DENND4C: variants seen among roughly 807,000 people sequenced by gnomAD.
DENND4C encodes DENN domain-containing protein 4C.
Under a neutral mutation model 203.0 loss-of-function variants are expected in DENND4C, and 108 were observed. That is an observed-to-expected ratio of 0.53 (90% CI 0.46 to 0.62). The LOEUF (loss-of-function observed/expected upper bound fraction) is 0.62, where lower values mean the gene tolerates loss of function less well. Among genes scored for constraint, DENND4C ranks in the 20% least tolerant of loss-of-function variants. The pLI is 0.00. For synonymous variants in DENND4C, 871 were observed against 792.4 expected, an observed-to-expected ratio of 1.10 and a Z score of -1.67; for missense variants, 2,481 against 2,301.2, an observed-to-expected ratio of 1.08 and a Z score of -1.60.
At chr9:19,280,910 T>G (rs7874054) in intron 2 of DENND4C, among the ~76,000 whole-genome samples, 45,090 of 151,530 alleles carry the variant, frequency 0.3, 6,881 homozygotes, top group East Asian at 0.44. Context: ...CCGGCTAAGT[T>G]TTTGTAGTTT....
intron 13 of DENND4C, 102 bp from the exon 14 acceptor site, chr9:19,325,837 C>T: frequency 9.2e-7 from 1 of 1,089,352 alleles, no homozygotes; most frequent in Non-Finnish European, 1.4e-6. Flanking sequence ...TCAGCTGGTA[C>T]TGAAAAGGGG....
intron 20 of DENND4C, among the ~76,000 whole-genome samples, chr9:19,339,211 A>G (rs548664053): frequency 2.0e-5 from 3 of 152,168 alleles, no homozygotes; most frequent in East Asian, 3.9e-4. Flanking sequence ...TTTCAGTGGC[A>G]TTTTCTCTTG....
rs1289505349 is a variant in DENND4C, at chr9:19,311,088, G to A, written c.1488-5329G>A. ...TATCAAAAAAATTTATTTGACTTAT[G>A]TATTACATTAAAGTTTGTCTTTTGA... On this transcript the variant is annotated intron_variant, in intron 10 of 32. Transcript: ENST00000434457. Among the ~76,000 whole-genome samples, 3 of 151,966 alleles carry A rather than the reference G, an allele frequency of 2.0e-5. No individual in the cohort carries two copies. The South Asian group carries it at 6.2e-4, about 31-fold the overall frequency.
chr9:19,324,624 T>C (rs905375659), intron 13 of DENND4C, 117 bp downstream of exon 13: 2 of 1,013,148 alleles, frequency 2.0e-6, no homozygotes, highest in Non-Finnish European at 2.9e-6. Flanking sequence ...GTTGTGTATG[T>C]GTGTGTATGT....
In DENND4C at chr9:19,346,485, A is replaced by G. The variant is rs1822913110; in HGVS notation, c.3716A>G (p.Lys1239Arg). ...AGAAGTAGTTTATATGGTATTGCTA[A>G]GGTGGTTCAGAGGGAAGATGTTGAA... The part of the protein sequence containing the change: ...NKRSSLYGIA[K>R]VVQREDVETG... The change falls in exon 23 of 33, where the codon AAG becomes AGG. Residue 1239 changes from lysine to arginine, a missense_variant. This residue lies in a region of DENND4C where 2,289 missense variants were observed against 2,113.3 expected (regional missense o/e 1.08). Transcript: ENST00000434457. The G allele has an allele frequency of 6.2e-7, 1 of 1,614,198 alleles. No individual in the cohort carries two copies. Among genetic ancestry groups the G allele is most frequent in the Middle Eastern group, 1.6e-4 (1 of 6,062 alleles).
intron 1 of DENND4C, among the ~76,000 whole-genome samples, chr9:19,267,429 C>T (rs1830726470): frequency 6.6e-6 from 1 of 152,184 alleles, no homozygotes; most frequent in East Asian, 1.9e-4. Flanking sequence ...CCTACTCCTG[C>T]TCTTTCAGTT....
In DENND4C at chr9:19,306,856, CT is replaced by C. The variant is rs1460187062; in HGVS notation, c.1487+1330del. ...GTTGCAGTGGTGCAATCCTGACTCT[CT>C]GCAGTCTCCGCCTCCTGGGATCAAG... On this transcript the variant is annotated intron_variant, in intron 10 of 32. Coordinates refer to ENST00000434457, the MANE Select transcript of DENND4C (RefSeq NM_001330640.2). Among the ~76,000 whole-genome samples, 4 of 152,040 alleles carry C rather than the reference CT, an allele frequency of 2.6e-5. No individual in the cohort carries two copies. In the East Asian group the frequency reaches 7.7e-4, roughly 29 times the overall value.
At position 19,317,660 on chromosome 9, in the gene DENND4C, A is replaced by G. The variant is rs374937888; in HGVS notation, c.1807+821A>G. 2.6e-5 allele frequency among the ~76,000 whole-genome samples: 4 copies of G among 152,288 alleles called. No homozygotes were observed. The East Asian group carries it at 5.8e-4, about 22-fold the overall frequency. ...CTTACCACTTAAATATTTAGTTACTACTTACTGGCTAGTTATTATGTAGGA... is the reference window on the plus strand; with the variant it reads ...CTTACCACTTAAATATTTAGTTACTGCTTACTGGCTAGTTATTATGTAGGA... On this transcript the variant is annotated intron_variant, in intron 12 of 32. Transcript: ENST00000434457.
chr9:19,314,091 G>A (rs1443189388), intron 10 of DENND4C, among the ~76,000 whole-genome samples: 1 of 150,850 alleles, frequency 6.6e-6, no homozygotes, highest in Non-Finnish European at 1.5e-5. Context: ...CAAGAGAGGG[G>A]AAAAAAAAGA....
intron 1 of DENND4C, among the ~76,000 whole-genome samples, chr9:19,255,697 T>G (rs1352839206): frequency 6.6e-6 from 1 of 152,168 alleles, no homozygotes; most frequent in Admixed American, 6.5e-5. Flanking sequence ...GTTTATGCCT[T>G]TAATAACAGT....
intron 2 of DENND4C, among the ~76,000 whole-genome samples, chr9:19,286,542 T>G (rs1046768807): frequency 4.6e-5 from 7 of 152,208 alleles, no homozygotes; most frequent in Non-Finnish European, 7.3e-5. Context: ...TCTTAAATTA[T>G]GTTTTGGCTT....
In DENND4C at chr9:19,272,945, CTTTTTTTT is replaced by C. The variant is rs35973945; in HGVS notation, c.-17-3199_-17-3192del. On this transcript the variant is annotated intron_variant, in intron 1 of 32. Coordinates refer to ENST00000434457, the MANE Select transcript of DENND4C (RefSeq NM_001330640.2). ...ACTACGCCTGGCTAATTTTTGTATC[CTTTTTTTT>C]TTTTTTTTTTTTTGAGATGGAGTCT... 6.9e-5 allele frequency among the ~76,000 whole-genome samples: 6 copies of C among 86,610 alleles called. 1 individual carries two copies. Among genetic ancestry groups the C allele is most frequent in the African/African-American group, 2.7e-4 (6 of 22,198 alleles). 56.8% of individuals were successfully genotyped at this position (86,610 alleles called of 152,430 possible). A position where few individuals can be genotyped will look rare whatever the true frequency, so the allele number is the denominator to read the frequency against.
chr9:19,243,866 C>G (rs1824401632), intron 1 of DENND4C, among the ~76,000 whole-genome samples: 1 of 152,166 alleles, frequency 6.6e-6, no homozygotes, highest in South Asian at 2.1e-4. Context: ...GACTGGAGTA[C>G]AGTGGCACAG....
rs772796849 is a variant in DENND4C at position 19,316,521 on chromosome 9, A to C, written c.1588+4A>C. On this transcript the variant is annotated splice_donor_region_variant and intron_variant, in intron 11 of 32. Transcript: ENST00000434457. ...TTGTATCCCCAGCTGTCTTCAGGTA[A>C]TGTGAGGGAAAAGGAATATTATTAA... 1.2e-6 allele frequency: 2 copies of C among 1,610,200 alleles called. No homozygotes were observed. Among genetic ancestry groups the C allele is most frequent in the South Asian group, 2.2e-5 (2 of 90,270 alleles).
chr9:19,280,309 G>C (rs1833797490), intron 2 of DENND4C, among the ~76,000 whole-genome samples: 1 of 152,016 alleles, frequency 6.6e-6, no homozygotes. Context: ...ACCACGCCCA[G>C]CTAACTTTTG....
rs1408294827 is a variant in DENND4C, at chr9:19,346,684, C to G, written c.3915C>G (p.His1305Gln). The change falls in exon 23 of 33, where the codon CAC becomes CAG. Residue 1305 changes from histidine to glutamine, a missense_variant. Transcript: ENST00000434457. ...GTAAATCTTCTAGTATGGAATTACA[C>G]AGAGAGGAAAACAGAGAGTCTGGCA... ...LGSKSSSMEL[H>Q]REENRESGMT... is the part of the protein sequence containing the mutation. 3 of 1,613,988 alleles carry G rather than the reference C, an allele frequency of 1.9e-6. No individual in the cohort carries two copies. The highest frequency in any genetic ancestry group is 2.5e-6 in the Non-Finnish European group (3 of 1,180,030).
intron 1 of DENND4C, among the ~76,000 whole-genome samples, chr9:19,255,923 C>T (rs1261283727): frequency 6.6e-6 from 1 of 151,570 alleles, no homozygotes; most frequent in Non-Finnish European, 1.5e-5. Flanking sequence ...CTAAAGTGCA[C>T]ATGGAATATT....
rs1032243345 is a variant in DENND4C at position 19,272,584 on chromosome 9, T to C, written c.-17-3574T>C. ...AATAGTTTTTTCAACGCAGGGTCCTTGAAAAATGGGATATCCATATGTAAA... is the reference window on the plus strand; with the variant it reads ...AATAGTTTTTTCAACGCAGGGTCCTCGAAAAATGGGATATCCATATGTAAA... On this transcript the variant is annotated intron_variant, in intron 1 of 32. Transcript: ENST00000434457. Among the ~76,000 whole-genome samples, 22 of 152,016 alleles carry C rather than the reference T, an allele frequency of 1.4e-4. 2 individuals are homozygous for C. Among genetic ancestry groups the C allele is most frequent in the Admixed American group, 4.6e-4 (7 of 15,268 alleles).
intron 2 of DENND4C, among the ~76,000 whole-genome samples, chr9:19,278,172 G>A (rs1233694924): frequency 2.7e-5 from 4 of 149,572 alleles, no homozygotes; most frequent in South Asian, 2.1e-4. Flanking sequence ...GTCTGGCTTC[G>A]TTGCCCAGGC....
Sources: allele counts gnomAD v4.1 joint callset (sites outside exome capture counted in the v4.1 genomes callset), GRCh38; gene constraint gnomAD v4.1.1; regional missense constraint gnomAD v4.1.1; transcripts MANE v1.5; gene names NCBI Gene and HGNC (gene_info 2026-07-23, HGNC 2026-07-21).